The following EXT1 variants were observed in gnomAD, a reference collection of about 807,000 sequenced individuals.
EXT1 encodes exostosin-1.
Under a neutral mutation model 82.5 loss-of-function variants are expected in EXT1, and 20 were observed. The ratio of observed to expected loss-of-function variants is 0.24; its 90% CI spans 0.17 to 0.35. The LOEUF (loss-of-function observed/expected upper bound fraction) is 0.35, where lower values mean the gene tolerates loss of function less well. Ranked by LOEUF, EXT1 falls within the 10% of genes least tolerant of loss-of-function variation. The pLI is 1.00. For missense variants in EXT1, 757 were observed against 936.5 expected (o/e 0.81, Z 2.50); for synonymous variants, 348 against 350.8 (o/e 0.99, Z 0.09).
chr8:117,818,790 G>A (rs899957339), intron 6 of EXT1, among the ~76,000 whole-genome samples: 4 of 152,172 alleles, frequency 2.6e-5, no homozygotes, highest in East Asian at 3.8e-4. Flanking sequence ...AACTGTGTCC[G>A]GGAATAGGGG....
At chr8:117,808,072 G>A (rs533812245) in intron 8 of EXT1, among the ~76,000 whole-genome samples, 3 of 152,266 alleles carry the variant, frequency 2.0e-5, no homozygotes, top group East Asian at 1.9e-4. Context: ...ATGTCTCTCC[G>A]GTGCTTATAG....
chr8:117,890,067 C>T (rs1253716897), intron 1 of EXT1, among the ~76,000 whole-genome samples: 2 of 152,184 alleles, frequency 1.3e-5, no homozygotes, highest in African/African-American at 2.4e-5. Flanking sequence ...GTATCTTTTA[C>T]ATCAACATGC....
In EXT1 at chr8:118,111,538, C is replaced by T. The variant is rs1586280762; in HGVS notation, c.-492G>A. ...TCCGGTTCCAACAAGTCAGCCGATC[C>T]CGGGTTCAGCCGGCTAGTGCATCTT... On this transcript the variant is annotated 5_prime_UTR_variant, in exon 1 of 11. Coordinates refer to ENST00000378204, the MANE Select transcript of EXT1 (RefSeq NM_000127.3). 2 of 444,282 alleles carry T rather than the reference C, an allele frequency of 4.5e-6. No homozygotes were observed. Among genetic ancestry groups the T allele is most frequent in the African/African-American group, 2.0e-5 (1 of 49,912 alleles). 27.5% of individuals were successfully genotyped at this position (444,282 alleles called of 1,614,324 possible).
chr8:117,990,204 A>G (rs1382467809), intron 1 of EXT1, among the ~76,000 whole-genome samples: 1 of 152,166 alleles, frequency 6.6e-6, no homozygotes, highest in Non-Finnish European at 1.5e-5. Context: ...AAGAACCCAG[A>G]CTGGGTCTCC....
In EXT1 at chr8:118,076,853, TC is replaced by T. The variant is rs566014115; in HGVS notation, c.962+33231del. On this transcript the variant is annotated intron_variant, in intron 1 of 10. Coordinates refer to ENST00000378204, the MANE Select transcript of EXT1 (RefSeq NM_000127.3). ...TCTTTGATTTCATATAGATAGAAAA[TC>T]AAGAATTATTAATGAGCAAATAAAA... Among the ~76,000 whole-genome samples, 38 of 152,244 alleles carry T rather than the reference TC, an allele frequency of 2.5e-4. No individual in the cohort carries two copies. The East Asian group carries it at 6.7e-3, about 27-fold the overall frequency.
chr8:117,923,413 A>G (rs1371185079), intron 1 of EXT1, among the ~76,000 whole-genome samples: 1 of 150,874 alleles, frequency 6.6e-6, no homozygotes, highest in Non-Finnish European at 1.5e-5. Context: ...AATTCTCAGC[A>G]TGTTTACTTG....
chr8:117,825,018 C>A (rs1811987345), intron 4 of EXT1, among the ~76,000 whole-genome samples: 1 of 151,982 alleles, frequency 6.6e-6, no homozygotes, highest in South Asian at 2.1e-4. Flanking sequence ...AGGAGAGGGT[C>A]ACCACACCCA....
At chr8:117,933,743 A>C (rs1814105640) in intron 1 of EXT1, among the ~76,000 whole-genome samples, 1 of 152,202 alleles carries the variant, frequency 6.6e-6, no homozygotes, top group African/African-American at 2.4e-5. Context: ...AGGAAGAAAC[A>C]GGAGGCACGG....
At chr8:117,913,692 G>A (rs1387150542) in intron 1 of EXT1, among the ~76,000 whole-genome samples, 4 of 152,162 alleles carry the variant, frequency 2.6e-5, no homozygotes, top group Non-Finnish European at 5.9e-5. Context: ...GAGGGAAGTA[G>A]GAAGTGGTAA....
At chr8:117,902,073 T>C (rs1057451673) in intron 1 of EXT1, among the ~76,000 whole-genome samples, 1 of 151,678 alleles carries the variant, frequency 6.6e-6, no homozygotes, top group African/African-American at 2.4e-5. Flanking sequence ...AACACACACA[T>C]TAGCCTAGAG....
intron 1 of EXT1, among the ~76,000 whole-genome samples, chr8:118,032,624 C>T (rs1199663651): frequency 6.6e-6 from 1 of 151,618 alleles, no homozygotes; most frequent in Non-Finnish European, 1.5e-5. Flanking sequence ...AATTCATCTG[C>T]CTCAGCCTCC....
intron 1 of EXT1, among the ~76,000 whole-genome samples, chr8:118,092,035 G>A (rs1817534888): frequency 6.6e-6 from 1 of 152,098 alleles, no homozygotes; most frequent in Non-Finnish European, 1.5e-5. Context: ...GAACCTAATT[G>A]TTATTCAAGG....
intron 1 of EXT1, among the ~76,000 whole-genome samples, chr8:117,943,730 G>A (rs1313023837): frequency 6.6e-6 from 1 of 152,242 alleles, no homozygotes; most frequent in Non-Finnish European, 1.5e-5. Flanking sequence ...ATGTACGTGT[G>A]TATTTTGTTT....
intron 1 of EXT1, among the ~76,000 whole-genome samples, chr8:117,882,439 T>G (rs994987490): frequency 2.6e-5 from 4 of 152,108 alleles, no homozygotes; most frequent in African/African-American, 9.7e-5. Context: ...GGTTGAGAGG[T>G]GTCTAGCAGT....
chr8:117,991,163 T>C (rs1815425224), intron 1 of EXT1, among the ~76,000 whole-genome samples: 1 of 151,438 alleles, frequency 6.6e-6, no homozygotes, highest in Admixed American at 6.6e-5. Context: ...CTAGATGGAG[T>C]ACAGTGGCGC....
intron 7 of EXT1, among the ~76,000 whole-genome samples, chr8:117,814,233 T>TGG (rs869050328): frequency 1.1e-5 from 1 of 90,550 alleles, no homozygotes; most frequent in African/African-American, 3.8e-5. Flanking sequence ...GCACACACAG[T>TGG]GGTGTGTGTG....
At chr8:117,857,359 C>A (rs1276682746) in intron 1 of EXT1, among the ~76,000 whole-genome samples, 4 of 152,026 alleles carry the variant, frequency 2.6e-5, no homozygotes, top group African/African-American at 9.7e-5. Context: ...AGTTCAAGAC[C>A]AACCTGGGCA....
chr8:117,845,662 G>A (rs1812345345), intron 1 of EXT1, among the ~76,000 whole-genome samples: 7 of 151,888 alleles, frequency 4.6e-5, no homozygotes, highest in Admixed American at 4.6e-4. Context: ...TGCCCAGGCT[G>A]GTCTTGAACT....
At chr8:117,956,864 T>C (rs1814597055) in intron 1 of EXT1, among the ~76,000 whole-genome samples, 1 of 151,810 alleles carries the variant, frequency 6.6e-6, no homozygotes, top group South Asian at 2.1e-4. Context: ...GTTCTGGGAG[T>C]GCAAATACAC....
Sources: allele counts gnomAD v4.1 joint callset (sites outside exome capture counted in the v4.1 genomes callset), GRCh38; gene constraint gnomAD v4.1.1; transcripts MANE v1.5; gene names NCBI Gene and HGNC (gene_info 2026-07-23, HGNC 2026-07-21).